Variants in RUNX2 observed in about 807,000 individuals in gnomAD.
RUNX2 encodes the protein runt-related transcription factor 2.
RUNX2 carries 10 observed loss-of-function variants against 51.7 expected under a neutral mutation model. The observed-to-expected ratio is 0.19, with a 90% CI of 0.12 to 0.33. The LOEUF is 0.33. RUNX2 is among the 10% of genes least tolerant of loss of function. RUNX2 has a pLI of 1.00. For synonymous variants in RUNX2, 276 were observed against 273.6 expected (o/e 1.01, Z -0.09); for missense variants, 562 against 691.3 (o/e 0.81, Z 2.10).
intron 5 of RUNX2, 43 bp downstream of exon 5, chr6:45,438,094 A>G (rs373390584): frequency 7.6e-5 from 95 of 1,244,110 alleles, no homozygotes; most frequent in Non-Finnish European, 1.0e-4. Flanking sequence ...TAGAGTTTCC[A>G]GAGACCCTAT....
At chr6:45,423,728 C>G (rs1798303395) in intron 3 of RUNX2, among the ~76,000 whole-genome samples, 1 of 152,196 alleles carries the variant, frequency 6.6e-6, no homozygotes, top group African/African-American at 2.4e-5. Flanking sequence ...GTTCGCTGAC[C>G]CGCGCCAGAT....
rs754208599 is a variant in RUNX2 at position 45,348,512 on chromosome 6, C to CAAAAAAAAAAAAAA, written c.58+19740_58+19741insAAAAAAAAAAAAAA. ...TGAAACCCCGTCTCTACTAAAAATA[C>CAAAAAAAAAAAAAA]AAAAAAAAAAAAGTTATCCAGGTAT... is the stretch of plus-strand genomic sequence containing the variant. On this transcript the variant is annotated intron_variant, in intron 2 of 8. Coordinates refer to ENST00000647337, the MANE Select transcript of RUNX2 (RefSeq NM_001024630.4). 2.1e-3 allele frequency among the ~76,000 whole-genome samples: 231 copies of CAAAAAAAAAAAAAA among 110,344 alleles called. 9 individuals carry two copies. The highest frequency in any genetic ancestry group is 7.4e-3 in the African/African-American group (203 of 27,314). The allele number at this position is 110,344 out of a possible 152,430, so 72.4% of individuals were successfully genotyped here.
intron 2 of RUNX2, among the ~76,000 whole-genome samples, chr6:45,390,080 T>C (rs544361920): frequency 2.4e-4 from 36 of 152,200 alleles, no homozygotes; most frequent in African/African-American, 7.9e-4. Context: ...CAGGCTATGA[T>C]GGTCTTAGTA....
chr6:45,463,605 C>T (rs746192526), intron 5 of RUNX2, among the ~76,000 whole-genome samples: 19 of 152,048 alleles, frequency 1.2e-4, no homozygotes, highest in Non-Finnish European at 1.8e-4. Context: ...ATCTATACAG[C>T]GATACTCAAA....
At chr6:45,485,064 G>A (rs570254137) in intron 5 of RUNX2, among the ~76,000 whole-genome samples, 331 of 152,258 alleles carry the variant, frequency 2.2e-3, no homozygotes, top group South Asian at 0.015. Context: ...AGCAAAATTA[G>A]CTCATGTCTC....
chr6:45,342,856 A>C (rs1233762094), intron 2 of RUNX2, among the ~76,000 whole-genome samples: 1 of 152,218 alleles, frequency 6.6e-6, no homozygotes, highest in Non-Finnish European at 1.5e-5. Context: ...CTCCAATTAC[A>C]AGATATTTGT....
At chr6:45,505,266 GCT>G (rs1344861610) in intron 6 of RUNX2, among the ~76,000 whole-genome samples, 12 of 151,986 alleles carry the variant, frequency 7.9e-5, no homozygotes, top group Non-Finnish European at 1.6e-4. Context: ...CTTTCAGAAA[GCT>G]CTCTGCCTGC....
At chr6:45,533,869 G>A (rs777112876) in intron 7 of RUNX2, among the ~76,000 whole-genome samples, 16 of 147,332 alleles carry the variant, frequency 1.1e-4, no homozygotes, top group Admixed American at 3.4e-4. Context: ...AAGAAATACC[G>A]TCCTTTCCCC....
At chr6:45,420,142 C>T (rs1439179632) in intron 2 of RUNX2, among the ~76,000 whole-genome samples, 1 of 152,180 alleles carries the variant, frequency 6.6e-6, no homozygotes, top group Non-Finnish European at 1.5e-5. Context: ...CCCGCACCCC[C>T]ACCTCTGCTC....
At position 45,495,252 on chromosome 6, in the gene RUNX2, G is replaced by T. The variant is rs541470349; in HGVS notation, c.859+3138G>T. Among the ~76,000 whole-genome samples the T allele has an allele frequency of 2.7e-4, 41 of 152,374 alleles. 1 individual carries two copies. Among genetic ancestry groups the T allele is most frequent in the Non-Finnish European group, 4.6e-4 (31 of 68,032 alleles). The stretch of plus-strand genomic sequence containing the variant: ...TTCTTTTGTGACTAGCCCAGTGGCA[G>T]TGTCTCATTAAATATGAATTATTGA... On this transcript the variant is annotated intron_variant, in intron 6 of 8. Coordinates refer to ENST00000647337, the MANE Select transcript of RUNX2 (RefSeq NM_001024630.4).
intron 4 of RUNX2, among the ~76,000 whole-genome samples, chr6:45,432,540 A>G (rs1798570823): frequency 6.6e-6 from 1 of 152,194 alleles, no homozygotes; most frequent in Non-Finnish European, 1.5e-5. Flanking sequence ...TTTCATTTGA[A>G]TAAGTGAATA....
At chr6:45,485,911 A>G (rs1232025968) in intron 5 of RUNX2, among the ~76,000 whole-genome samples, 3 of 151,702 alleles carry the variant, frequency 2.0e-5, no homozygotes, top group Non-Finnish European at 2.9e-5. Context: ...TGCACTTCCT[A>G]TAATACTTCA....
At chr6:45,342,562 C>T (rs1387243571) in intron 2 of RUNX2, among the ~76,000 whole-genome samples, 1 of 152,120 alleles carries the variant, frequency 6.6e-6, no homozygotes, top group Non-Finnish European at 1.5e-5. Flanking sequence ...CCCAGCCCTA[C>T]AATCTCCATT....
In RUNX2 at chr6:45,328,666, G is replaced by C. The variant is rs1324433494; in HGVS notation, c.-61G>C. The C allele has an allele frequency of 6.2e-7, 1 of 1,611,168 alleles. No homozygotes were observed. Among genetic ancestry groups the C allele is most frequent in the Non-Finnish European group, 8.5e-7 (1 of 1,178,142 alleles). ...GGTATGGTTTGTATTTTCAGTTTAA[G>C]GCTGCAAGCAGTATTTACAACAGAG... On this transcript the variant is annotated 5_prime_UTR_variant, in exon 2 of 9. Coordinates refer to ENST00000647337, the MANE Select transcript of RUNX2 (RefSeq NM_001024630.4).
At chr6:45,340,242 TAAGA>T (rs1443583227) in intron 2 of RUNX2, among the ~76,000 whole-genome samples, 1 of 152,060 alleles carries the variant, frequency 6.6e-6, no homozygotes, top group Non-Finnish European at 1.5e-5. Context: ...CACATATCTT[TAAGA>T]AATACTAATC....
At chr6:45,497,843 G>T (rs138747296) in intron 6 of RUNX2, among the ~76,000 whole-genome samples, 1 of 152,134 alleles carries the variant, frequency 6.6e-6, no homozygotes, top group Non-Finnish European at 1.5e-5. Context: ...AATAAATGGG[G>T]TCACTGACCT....
At position 45,452,726 on chromosome 6, in the gene RUNX2, A is replaced by T. The variant is rs1055411970; in HGVS notation, c.685+14675A>T. The stretch of plus-strand genomic sequence containing the variant: ...TGAGTTCTTGTTTTGAACTAAGTGC[A>T]TACAATTTTCTCTAAGGGAAAAAAA... On this transcript the variant is annotated intron_variant, in intron 5 of 8. Transcript: ENST00000647337. 2.0e-5 allele frequency among the ~76,000 whole-genome samples: 3 copies of T among 152,186 alleles called. No individual in the cohort carries two copies. The East Asian group carries it at 5.8e-4, about 29-fold the overall frequency.
chr6:45,537,976 G>A (rs1396302071), intron 7 of RUNX2, among the ~76,000 whole-genome samples: 1 of 152,158 alleles, frequency 6.6e-6, no homozygotes, highest in Non-Finnish European at 1.5e-5. Flanking sequence ...TTTTATTTTA[G>A]AATATGTATG....
chr6:45,330,235 C>A lies in RUNX2; in HGVS notation c.58+1451C>A, dbSNP rs565241257. The stretch of plus-strand genomic sequence containing the variant: ...AATTTAAAATTTTAATGATGGGTAC[C>A]AAGTATTACTCTAAAAACTTCTATA... On this transcript the variant is annotated intron_variant, in intron 2 of 8. Transcript: ENST00000647337. Among the ~76,000 whole-genome samples, 36 of 151,754 alleles carry A rather than the reference C, an allele frequency of 2.4e-4. 1 individual carries two copies. Among genetic ancestry groups the A allele is most frequent in the African/African-American group, 8.7e-4 (36 of 41,410 alleles).
Sources: allele counts gnomAD v4.1 joint callset (sites outside exome capture counted in the v4.1 genomes callset), GRCh38; gene constraint gnomAD v4.1.1; transcripts MANE v1.5; gene names NCBI Gene and HGNC (gene_info 2026-07-23, HGNC 2026-07-21).